The following RANBP2 variants were observed in gnomAD, a reference collection of about 807,000 sequenced individuals.
RANBP2 encodes the protein RAN binding protein 2, also known as E3 SUMO-protein ligase RanBP2.
In RANBP2, 57 loss-of-function variants were observed where a neutral mutation model predicts 303.6. That is an observed-to-expected ratio of 0.19 (90% CI 0.15 to 0.23). RANBP2 has a LOEUF of 0.23. Ranked by LOEUF, RANBP2 falls within the 10% of genes least tolerant of loss-of-function variation. The pLI is 1.00. For missense variants in RANBP2, 3,138 were observed against 3,780.8 expected (o/e 0.83, Z 4.46); for synonymous variants, 1,167 against 1,301.5 (o/e 0.90, Z 2.23).
the RANBP2 span, among the ~76,000 whole-genome samples, chr2:108,934,090 C>T: frequency 1.7e-3 from 264 of 152,286 alleles, 1 homozygote; most frequent in Non-Finnish European, 2.3e-3. Flanking sequence ...TAGTGTCAAC[C>T]AGGAGCACTT....
At chr2:109,409,829 G>T in the RANBP2 span, among the ~76,000 whole-genome samples, 1 of 152,102 alleles carries the variant, frequency 6.6e-6, no homozygotes, top group Non-Finnish European at 1.5e-5. Context: ...GTTCATGAGG[G>T]TCTGATTTAC....
At chr2:108,973,005 A>C in the RANBP2 span, among the ~76,000 whole-genome samples, 7 of 150,958 alleles carry the variant, frequency 4.6e-5, no homozygotes, top group Admixed American at 4.6e-4. Flanking sequence ...TTTTTTTTTG[A>C]GATGGAGTTT....
the RANBP2 span, among the ~76,000 whole-genome samples, chr2:109,180,467 A>G: frequency 5.3e-5 from 8 of 152,178 alleles, no homozygotes; most frequent in Middle Eastern, 6.8e-3. Flanking sequence ...GCCCAGTGAT[A>G]TGGTTTGGCT....
the RANBP2 span, among the ~76,000 whole-genome samples, chr2:109,016,073 GT>G: frequency 7.0e-6 from 1 of 143,042 alleles, no homozygotes; most frequent in East Asian, 1.9e-4. Context: ...GGTGTTATTG[GT>G]TTTTTTGTTT....
At chr2:109,596,572 G>A in the RANBP2 span, among the ~76,000 whole-genome samples, 2 of 151,356 alleles carry the variant, frequency 1.3e-5, no homozygotes, top group Admixed American at 6.6e-5. Flanking sequence ...AGCAGAGATC[G>A]CGCCGCTGCA....
the RANBP2 span, among the ~76,000 whole-genome samples, chr2:109,022,664 G>T: frequency 6.6e-6 from 1 of 152,084 alleles, no homozygotes; most frequent in East Asian, 1.9e-4. Flanking sequence ...CATGCTATTC[G>T]GGTGATGGTC....
the RANBP2 span, among the ~76,000 whole-genome samples, chr2:109,530,325 G>T: frequency 2.0e-5 from 3 of 152,174 alleles, no homozygotes; most frequent in African/African-American, 7.2e-5. Flanking sequence ...GCAACTGACA[G>T]CCACGTGTCC....
the RANBP2 span, among the ~76,000 whole-genome samples, chr2:109,305,626 C>G: frequency 6.6e-6 from 1 of 152,156 alleles, no homozygotes; most frequent in Admixed American, 6.5e-5. Context: ...TCTGGCAGGT[C>G]CTCTTGACTG....
chr2:108,987,564 T>G, the RANBP2 span, among the ~76,000 whole-genome samples: 3 of 152,098 alleles, frequency 2.0e-5, no homozygotes, highest in Admixed American at 6.5e-5. Flanking sequence ...GGCCAGGGAG[T>G]GAAAATCAAG....
intron 1 of RANBP2, among the ~76,000 whole-genome samples, chr2:108,726,385 A>G (rs1006660199): frequency 6.6e-6 from 1 of 151,522 alleles, no homozygotes; most frequent in Non-Finnish European, 1.5e-5. Flanking sequence ...CAGTTCACAT[A>G]TGCAGAGAGA....
chr2:109,176,994 C>A, the RANBP2 span, among the ~76,000 whole-genome samples: 1 of 152,148 alleles, frequency 6.6e-6, no homozygotes, highest in Non-Finnish European at 1.5e-5. Flanking sequence ...GAGAGCCCTG[C>A]ACTGGGGTGA....
chr2:109,194,440 G>A, the RANBP2 span, among the ~76,000 whole-genome samples: 1 of 152,218 alleles, frequency 6.6e-6, no homozygotes, highest in Non-Finnish European at 1.5e-5. Flanking sequence ...GCTCTCGGCT[G>A]GCTGATGGCA....
the RANBP2 span, among the ~76,000 whole-genome samples, chr2:108,881,053 TGTG>T: frequency 6.6e-6 from 1 of 152,172 alleles, no homozygotes; most frequent in African/African-American, 2.4e-5. Flanking sequence ...TAACTGCCGA[TGTG>T]GTGGGAATTG....
chr2:108,820,582 T>C, the RANBP2 span, among the ~76,000 whole-genome samples: 2 of 151,404 alleles, frequency 1.3e-5, no homozygotes, highest in Non-Finnish European at 1.5e-5. Context: ...GAGAATCTTT[T>C]AAATTGACAA....
the RANBP2 span, among the ~76,000 whole-genome samples, chr2:109,462,305 C>G: frequency 4.0e-5 from 6 of 151,834 alleles, no homozygotes. Context: ...TGAAAGCAAA[C>G]TGCTTCAGTC....
At chr2:109,265,603 GC>G in the RANBP2 span, among the ~76,000 whole-genome samples, 1 of 152,210 alleles carries the variant, frequency 6.6e-6, no homozygotes, top group Non-Finnish European at 1.5e-5. Context: ...GACTCAGAAA[GC>G]CCCCCAGGGG....
chr2:109,065,402 G>C, the RANBP2 span, among the ~76,000 whole-genome samples: 2 of 152,272 alleles, frequency 1.3e-5, no homozygotes, highest in East Asian at 3.9e-4. Context: ...GTGGAGGACA[G>C]GTCCTTGGGG....
At chr2:109,227,245 A>G in the RANBP2 span, among the ~76,000 whole-genome samples, 1,773 of 152,298 alleles carry the variant, frequency 0.012, 21 homozygotes, top group Middle Eastern at 0.02. Flanking sequence ...AGTTGGGGGA[A>G]GGAGCTAAGA....
the RANBP2 span, among the ~76,000 whole-genome samples, chr2:109,036,762 CT>C: frequency 1.3e-5 from 2 of 152,142 alleles, no homozygotes; most frequent in Non-Finnish European, 2.9e-5. Context: ...AGTCCCAACA[CT>C]TTGAGAGGCT....
Sources: gnomAD v4.1 joint callset for allele counts (sites outside exome capture counted in the v4.1 genomes callset) on GRCh38, gnomAD v4.1.1 for gene constraint, MANE v1.5 for transcripts, NCBI Gene and HGNC (gene_info 2026-07-23, HGNC 2026-07-21) for gene names.